TMEM14B: variants seen among roughly 807,000 people sequenced by gnomAD.
The protein encoded by TMEM14B is transmembrane protein 14B.
In TMEM14B, 9 loss-of-function variants were observed where a neutral mutation model predicts 14.8. The ratio of observed to expected loss-of-function variants is 0.61; its 90% CI spans 0.37 to 1.06. TMEM14B has a LOEUF of 1.06. Ranked by LOEUF, TMEM14B falls within the 50% of genes least tolerant of loss-of-function variation. TMEM14B has a pLI of 0.01. For synonymous variants in TMEM14B, 40 were observed against 51.3 expected (o/e 0.78, Z 0.94); for missense variants, 128 against 143.6 (o/e 0.89, Z 0.56).
intron 1 of TMEM14B, among the ~76,000 whole-genome samples, chr6:10,748,223 C>T (rs1458226549): frequency 1.3e-5 from 2 of 152,044 alleles, no homozygotes; most frequent in Admixed American, 6.6e-5. Flanking sequence ...CTGCCCTTCC[C>T]CGTTTTATGG....
downstream of TMEM14B, chr6:10,759,353 A>C (rs942118815): frequency 3.3e-5 from 5 of 152,138 alleles, no homozygotes; most frequent in Non-Finnish European, 5.9e-5. Flanking sequence ...TAATCCCAAC[A>C]CTTTGGGAGG....
At chr6:10,752,693 G>A (rs1370938021) in intron 4 of TMEM14B, 1 of 152,050 alleles carries the variant, frequency 6.6e-6, no homozygotes. Context: ...CCTGACCTCA[G>A]GTGATCTGCC....
downstream of TMEM14B, among the ~76,000 whole-genome samples, chr6:10,757,932 A>G (rs1771860161): frequency 6.6e-6 from 1 of 151,824 alleles, no homozygotes; most frequent in South Asian, 2.1e-4. Flanking sequence ...CTGTGGTTGC[A>G]GCGAGCCGAG....
chr6:10,749,833 T>A, intron 3 of TMEM14B, 135 bp downstream of exon 3: 1 of 1,002,082 alleles, frequency 1.0e-6, no homozygotes, highest in Non-Finnish European at 1.6e-6. Flanking sequence ...GCAGGCTTCC[T>A]TGTCAGTCTT....
rs372473907 is a variant in TMEM14B at position 10,753,293 on chromosome 6, GTC to G, written c.203-1845_203-1844del. On this transcript the variant is annotated intron_variant, in intron 4 of 5. Coordinates refer to ENST00000379542, the MANE Select transcript of TMEM14B (RefSeq NM_030969.5). Reference sequence around the variant, plus strand: ...CATCACACATGATCAGCCCATTTCAGTCTCTGTTTCTGTCCCTGTGTTTGTGG... The same window carrying G: ...CATCACACATGATCAGCCCATTTCAGTCTGTTTCTGTCCCTGTGTTTGTGG... Among the ~76,000 whole-genome samples, 706 of 152,156 alleles carry G rather than the reference GTC, an allele frequency of 4.6e-3. 11 individuals are homozygous for G. The highest frequency in any genetic ancestry group is 0.016 in the African/African-American group (664 of 41,426).
intron 1 of TMEM14B, among the ~76,000 whole-genome samples, chr6:10,748,938 G>A (rs1287896862): frequency 6.6e-6 from 1 of 152,192 alleles, no homozygotes; most frequent in Non-Finnish European, 1.5e-5. Context: ...TTATAGAGCT[G>A]GTCAGTGGAT....
rs376752215 is a variant in TMEM14B at position 10,749,317 on chromosome 6, C to T, written c.23+49C>T. The T allele has an allele frequency of 3.7e-6, 6 of 1,607,650 alleles. No homozygotes were observed. The Admixed American group carries it at 6.7e-5, about 18-fold the overall frequency. The stretch of plus-strand genomic sequence containing the variant: ...AGAGTAGCCAGGAGCTTCTGGAAAC[C>T]AGAGTTCCTTTCCTCAGCTGAAAAG... On this transcript the variant is annotated intron_variant, in intron 2 of 5. Transcript: ENST00000379542.
intron 5 of TMEM14B, 47 bp downstream of exon 5, chr6:10,755,279 T>C (rs1771761340): frequency 6.2e-7 from 1 of 1,613,066 alleles, no homozygotes; most frequent in South Asian, 1.1e-5. Context: ...GTTCAGTTTA[T>C]TGCCCAGAAT....
rs767689842 is a variant in TMEM14B at position 10,751,202 on chromosome 6, A to G, written c.170A>G (p.Tyr57Cys). The G allele has an allele frequency of 1.2e-6, 2 of 1,613,920 alleles. No homozygotes were observed. Among genetic ancestry groups the G allele is most frequent in the Non-Finnish European group, 8.5e-7 (1 of 1,180,006 alleles). ...SLAGLGAYQL[Y>C]QDPRNVWGFL... ...GCCGGCCTGGGTGCTTACCAGCTGT[A>G]TCAGGATCCAAGGAACGTTTGGGGT... Residue 57 changes from tyrosine (Y) to cysteine (C), a missense_variant, in exon 4 of 6, where the codon TAT becomes TGT. Coordinates refer to ENST00000379542, the MANE Select transcript of TMEM14B (RefSeq NM_030969.5).
At chr6:10,754,370 TCTTGA>T (rs1275139438) in intron 4 of TMEM14B, among the ~76,000 whole-genome samples, 1 of 152,174 alleles carries the variant, frequency 6.6e-6, no homozygotes, top group Non-Finnish European at 1.5e-5. Flanking sequence ...ACAAACTGCA[TCTTGA>T]CTTCTGTGCC....
At chr6:10,753,487 A>G (rs1361073250) in intron 4 of TMEM14B, among the ~76,000 whole-genome samples, 5 of 151,490 alleles carry the variant, frequency 3.3e-5, no homozygotes, top group Admixed American at 1.3e-4. Context: ...TTGGCAACCT[A>G]TTTTCCTTTT....
intron 3 of TMEM14B, among the ~76,000 whole-genome samples, chr6:10,750,722 G>A (rs1330617887): frequency 6.6e-6 from 1 of 152,062 alleles, no homozygotes; most frequent in East Asian, 1.9e-4. Context: ...AAAGAGCCAA[G>A]ATGGAGTCTG....
chr6:10,757,444 GC>G (rs755105609), downstream of TMEM14B, among the ~76,000 whole-genome samples: 2 of 152,042 alleles, frequency 1.3e-5, no homozygotes, highest in African/African-American at 2.4e-5. Context: ...AATGAGCATG[GC>G]CACTGAGGAT....
intron 4 of TMEM14B, among the ~76,000 whole-genome samples, chr6:10,751,460 C>T (rs891804370): frequency 4.6e-5 from 7 of 152,012 alleles, no homozygotes; most frequent in African/African-American, 1.7e-4. Flanking sequence ...GATTTCCATA[C>T]CTTGTGAATT....
chr6:10,748,071 A>C (rs73438202), intron 1 of TMEM14B, among the ~76,000 whole-genome samples, 190 bp downstream of exon 1: 14,761 of 151,960 alleles, frequency 0.097, 2,235 homozygotes, highest in African/African-American at 0.33. Flanking sequence ...TGCTCGGAGC[A>C]CCTGAGCTCC....
chr6:10,748,785 C>T (rs1771434501), intron 1 of TMEM14B, among the ~76,000 whole-genome samples: 1 of 152,100 alleles, frequency 6.6e-6, no homozygotes, highest in Admixed American at 6.6e-5. Context: ...TTGAAATTGG[C>T]TGTTGCATCA....
chr6:10,747,995 T>C (rs1281863761), intron 1 of TMEM14B, 114 bp downstream of exon 1: 1 of 152,256 alleles, frequency 6.6e-6, no homozygotes, highest in African/African-American at 2.4e-5. Flanking sequence ...TCAGCGGGCC[T>C]TTATGCCGTG....
chr6:10,751,153 G>T lies in TMEM14B; in HGVS notation c.121G>T (p.Ala41Ser). Reference protein sequence around the residue: ...VKTGSVPSLAAGLLFGSLAGL... With the variant: ...VKTGSVPSLASGLLFGSLAGL... The stretch of plus-strand genomic sequence containing the variant: ...TCTAGGCAGCGTGCCGTCCCTGGCT[G>T]CAGGGCTGCTCTTCGGCAGTCTAGC... Residue 41 changes from alanine (A) to serine (S), a missense_variant, in exon 4 of 6, where the codon GCA (alanine) becomes TCA (serine). Physicochemically the swap from Ala to Ser is moderately conservative, Grantham distance 99. Transcript: ENST00000379542. 2.5e-6 allele frequency: 4 copies of T among 1,613,914 alleles called. No individual in the cohort carries two copies. The highest frequency in any genetic ancestry group is 2.5e-6 in the Non-Finnish European group (3 of 1,180,022).
chr6:10,758,665 A>AAGGAGGGGAGTGGGCATTTCTGTTGAGGG (rs1771881868), downstream of TMEM14B, among the ~76,000 whole-genome samples: 5 of 147,250 alleles, frequency 3.4e-5, no homozygotes. Context: ...GTGGGGGCAC[A>AAGGAGGGGAGTGGGCATTTCTGTTGAGGG]AGGAGGGGAG....
Sources: gnomAD v4.1 joint callset for allele counts (sites outside exome capture counted in the v4.1 genomes callset) on GRCh38, gnomAD v4.1.1 for gene constraint, MANE v1.5 for transcripts, NCBI Gene and HGNC (gene_info 2026-07-23, HGNC 2026-07-21) for gene names.